Variants in IMMT observed in about 807,000 individuals in gnomAD.
IMMT encodes the protein MICOS complex subunit MIC60.
In IMMT, 40 loss-of-function variants were observed where a neutral mutation model predicts 92.7. The ratio of observed to expected loss-of-function variants is 0.43; its 90% CI spans 0.34 to 0.56. IMMT has a LOEUF of 0.56. Ranked by LOEUF, IMMT falls within the 20% of genes least tolerant of loss-of-function variation. The pLI, the probability that IMMT is intolerant of heterozygous loss-of-function variation, is 0.03. For missense variants in IMMT, 831 were observed against 912.1 expected (o/e 0.91, Z 1.14); for synonymous variants, 322 against 336.1 (o/e 0.96, Z 0.46).
intron 1 of IMMT, among the ~76,000 whole-genome samples, chr2:86,185,463 G>A (rs984078200): frequency 6.6e-6 from 1 of 152,126 alleles, no homozygotes; most frequent in Non-Finnish European, 1.5e-5. Context: ...ATCTAAGGAG[G>A]TGCCCCTCAG....
At chr2:86,166,907 G>A (rs1441866037) in intron 6 of IMMT, among the ~76,000 whole-genome samples, 1 of 151,800 alleles carries the variant, frequency 6.6e-6, no homozygotes, top group Non-Finnish European at 1.5e-5. Flanking sequence ...AGACCAACCT[G>A]ACCAATGTGG....
intron 1 of IMMT, among the ~76,000 whole-genome samples, chr2:86,189,613 C>T (rs1471031367): frequency 6.6e-6 from 1 of 152,180 alleles, no homozygotes; most frequent in East Asian, 1.9e-4. Flanking sequence ...CATGTGAACT[C>T]TAACTAGAGG....
In IMMT at chr2:86,159,661, C is replaced by G; in HGVS notation, c.907G>C (p.Glu303Gln). ...TTTTCAATCACACTTTTCATCTTCT[C>G]TAACTCTTCTCTGGAAACCAACAAA... ...DALLKAKEELEKMKSVIENAK... is the reference protein window; with the variant it reads ...DALLKAKEELQKMKSVIENAK... The change falls in exon 9 of 15, where the codon GAG becomes CAG. Residue 303 changes from glutamate (E) to glutamine (Q), a missense_variant. Physicochemically the swap from Glu to Gln is conservative, Grantham distance 29. Coordinates refer to ENST00000410111, the MANE Select transcript of IMMT (RefSeq NM_006839.3). The G allele has an allele frequency of 6.4e-7, 1 of 1,559,790 alleles. No individual in the cohort carries two copies. Among genetic ancestry groups the G allele is most frequent in the Non-Finnish European group, 8.6e-7 (1 of 1,161,452 alleles).
chr2:86,171,167 T>C (rs1183988490), intron 5 of IMMT, 41 bp downstream of exon 5: 4 of 1,512,948 alleles, frequency 2.6e-6, no homozygotes, highest in Non-Finnish European at 3.6e-6. Context: ...TTCTGATGAG[T>C]GTATCATGTA....
At chr2:86,168,433 GC>G (rs200193981) in intron 6 of IMMT, among the ~76,000 whole-genome samples, 4,337 of 152,172 alleles carry the variant, frequency 0.029, 103 homozygotes, top group East Asian at 0.1. Flanking sequence ...GACCAGGCTG[GC>G]CAACATTGTG....
intron 12 of IMMT, among the ~76,000 whole-genome samples, chr2:86,148,360 G>A (rs964905961): frequency 1.3e-5 from 2 of 152,144 alleles, no homozygotes; most frequent in Non-Finnish European, 2.9e-5. Flanking sequence ...TGTAATCCCA[G>A]CACTTTGGGA....
rs150364997 is a variant in IMMT at position 86,151,342 on chromosome 2, T to C, written c.1356A>G (p.Ala452=). 34 of 1,614,066 alleles carry C rather than the reference T, an allele frequency of 2.1e-5. No individual in the cohort carries two copies. The East Asian group carries it at 7.1e-4, about 34-fold the overall frequency. Residue 452 remains alanine (A), a synonymous_variant, in exon 12 of 15, where the codon GCA becomes GCG. Coordinates refer to ENST00000410111, the MANE Select transcript of IMMT (RefSeq NM_006839.3). ...GTATTTCACTTCTGTGATGTTCTAA[T>C]GCTTTTGCTACTGCAGAGTCAAATG... is the stretch of plus-strand genomic sequence containing the variant. The part of the protein sequence containing the change: ...KRAFDSAVAK[A]LEHHRSEIQA...
Position 86,147,781 on chromosome 2 carries a change from C to G in IMMT, c.1454G>C (p.Arg485Pro). 1 of 1,613,840 alleles carries G rather than the reference C, an allele frequency of 6.2e-7. No homozygotes were observed. The highest frequency in any genetic ancestry group is 8.5e-7 in the Non-Finnish European group (1 of 1,179,786). ...GTGATCAGTGTGGGCAGCTGCCTGTCGGCGAAGCTGGGTTCTCATTTCATT... is the reference window on the plus strand; with the variant it reads ...GTGATCAGTGTGGGCAGCTGCCTGTGGGCGAAGCTGGGTTCTCATTTCATT... Reference protein sequence around the residue: ...MENEMRTQLRRQAAAHTDHLR... With the variant: ...MENEMRTQLRPQAAAHTDHLR... The change falls in exon 13 of 15, where the codon CGA (arginine) becomes CCA (proline). Residue 485 changes from arginine (R) to proline (P), a missense_variant. Transcript: ENST00000410111.
Position 86,158,865 on chromosome 2 carries a change from CTTAT to C in IMMT, c.1033-148_1033-145del, listed in dbSNP as rs780355967. ...TGAAGCTCAGAAATAGAATATAAGCCTTATTTGTTTCCTTCTAATTCCTATTCAA... is the reference window on the plus strand; with the variant it reads ...TGAAGCTCAGAAATAGAATATAAGCCTTGTTTCCTTCTAATTCCTATTCAA... On this transcript the variant is annotated intron_variant, in intron 9 of 14. Coordinates refer to ENST00000410111, the MANE Select transcript of IMMT (RefSeq NM_006839.3). 3.6e-4 allele frequency: 250 copies of C among 698,358 alleles called. 1 individual carries two copies. The highest frequency in any genetic ancestry group is 1.1e-4 in the Non-Finnish European group (47 of 432,436). The allele number at this position is 698,358 out of a possible 1,614,324, so 43.3% of individuals were successfully genotyped here.
intron 8 of IMMT, among the ~76,000 whole-genome samples, chr2:86,160,389 C>A (rs1398355839): frequency 2.0e-5 from 3 of 152,312 alleles, no homozygotes; most frequent in African/African-American, 7.2e-5. Context: ...GGCAAAGGCA[C>A]AGGAGAAGGC....
intron 10 of IMMT, among the ~76,000 whole-genome samples, chr2:86,155,344 G>C (rs1439915755): frequency 6.8e-6 from 1 of 146,838 alleles, no homozygotes; most frequent in Non-Finnish European, 1.5e-5. Flanking sequence ...CCAAAAGGGA[G>C]TCCCGTGCTG....
rs539308175 is a variant in IMMT, at chr2:86,148,822, T to C, written c.1402-989A>G. ...CTGATTACCTGAAATCCAGAACTTATTTTTTCTCAGAAACAATATAATAAA... is the reference window on the plus strand; with the variant it reads ...CTGATTACCTGAAATCCAGAACTTACTTTTTCTCAGAAACAATATAATAAA... On this transcript the variant is annotated intron_variant, in intron 12 of 14. Coordinates refer to ENST00000410111, the MANE Select transcript of IMMT (RefSeq NM_006839.3). 2.6e-4 allele frequency among the ~76,000 whole-genome samples: 40 copies of C among 152,260 alleles called. 1 individual carries two copies. The South Asian group carries it at 4.1e-3, about 16-fold the overall frequency.
chr2:86,186,112 T>A (rs1317498573), intron 1 of IMMT, among the ~76,000 whole-genome samples: 1 of 152,224 alleles, frequency 6.6e-6, no homozygotes, highest in Non-Finnish European at 1.5e-5. Context: ...TTTACAGGGC[T>A]TTAGATCACC....
chr2:86,162,509 C>T (rs1053776068), intron 7 of IMMT, among the ~76,000 whole-genome samples: 2 of 151,930 alleles, frequency 1.3e-5, no homozygotes, highest in African/African-American at 4.8e-5. Flanking sequence ...TCAAAAACCT[C>T]CCTTGAGGTG....
At position 86,158,656 on chromosome 2, in the gene IMMT, C is replaced by A; in HGVS notation, c.1098G>T (p.Arg366=). ...TGTCCAGCTCTCGTTTAAAGTCATC[C>A]CGAGCTTGGACCACCAGCTCATGAT... ...SQYHELVVQA[R]DDFKRELDSI... is the part of the protein sequence containing the mutation. The change falls in exon 10 of 15, where the codon CGG becomes CGT. Residue 366 remains arginine, a synonymous_variant. Transcript: ENST00000410111. 2 of 1,604,412 alleles carry A rather than the reference C, an allele frequency of 1.2e-6. No homozygotes were observed. Among genetic ancestry groups the A allele is most frequent in the Non-Finnish European group, 1.7e-6 (2 of 1,175,000 alleles).
At chr2:86,157,788 CAAA>C (rs74548175) in intron 10 of IMMT, among the ~76,000 whole-genome samples, 2 of 84,246 alleles carry the variant, frequency 2.4e-5, no homozygotes, top group Non-Finnish European at 4.1e-5. Context: ...AACTTTGTCT[CAAA>C]AAAAAAAAAA....
intron 6 of IMMT, among the ~76,000 whole-genome samples, chr2:86,166,957 G>A (rs1676718357): frequency 6.6e-6 from 1 of 151,460 alleles, no homozygotes; most frequent in Admixed American, 6.6e-5. Flanking sequence ...AATTAGCCAG[G>A]CATGGTGGCG....
intron 7 of IMMT, 29 bp downstream of exon 7, chr2:86,166,479 G>C: frequency 6.3e-7 from 1 of 1,581,424 alleles, no homozygotes; most frequent in South Asian, 1.2e-5. Flanking sequence ...ATGACAGCCA[G>C]AACACTTCTA....
chr2:86,163,601 A>G (rs1676440322), intron 7 of IMMT, among the ~76,000 whole-genome samples: 1 of 152,176 alleles, frequency 6.6e-6, no homozygotes, highest in South Asian at 2.1e-4. Flanking sequence ...GAGCCCCTGA[A>G]TTCTATCTAC....
Sources: allele counts gnomAD v4.1 joint callset (sites outside exome capture counted in the v4.1 genomes callset), GRCh38; gene constraint gnomAD v4.1.1; transcripts MANE v1.5; gene names NCBI Gene and HGNC (gene_info 2026-07-23, HGNC 2026-07-21).